The following PRKCH variants were observed in gnomAD, a reference collection of about 807,000 sequenced individuals.
PRKCH encodes the protein protein kinase C eta type.
Under a neutral mutation model 82.5 loss-of-function variants are expected in PRKCH, and 28 were observed. The observed-to-expected ratio is 0.34, with a 90% CI of 0.25 to 0.47. The LOEUF is 0.47. Ranked by LOEUF, PRKCH falls within the 20% of genes least tolerant of loss-of-function variation. PRKCH has a pLI of 1.00. For missense variants in PRKCH, 705 were observed against 881.8 expected (o/e 0.80, Z 2.54); for synonymous variants, 322 against 327.4 (o/e 0.98, Z 0.18).
rs546697498 is a variant in PRKCH at position 61,419,159 on chromosome 14, T to C, written c.428-23952T>C. On this transcript the variant is annotated intron_variant, in intron 2 of 13. Transcript: ENST00000332981. ...TAGTTGTTCTCCCAAAGACCTATTATAGGAATTTAAAAGCAAATGTCTGAT... is the reference window on the plus strand; with the variant it reads ...TAGTTGTTCTCCCAAAGACCTATTACAGGAATTTAAAAGCAAATGTCTGAT... Among the ~76,000 whole-genome samples, 7 of 152,332 alleles carry C rather than the reference T, an allele frequency of 4.6e-5. No individual in the cohort carries two copies. In the South Asian group the frequency reaches 1.4e-3, roughly 32 times the overall value.
Position 61,526,637 on chromosome 14 carries a change from A to G in PRKCH, c.1434-2438A>G, listed in dbSNP as rs140393207. ...CGTGATCCAGGCTGGACAGAGACCA[A>G]CCTTTTGCCTTGGGCCATGCAGGCC... On this transcript the variant is annotated intron_variant, in intron 10 of 13. Coordinates refer to ENST00000332981, the MANE Select transcript of PRKCH (RefSeq NM_006255.5). 1.8e-3 allele frequency among the ~76,000 whole-genome samples: 270 copies of G among 152,290 alleles called. 1 individual carries two copies. Among genetic ancestry groups the G allele is most frequent in the African/African-American group, 6.2e-3 (256 of 41,570 alleles).
intron 7 of PRKCH, among the ~76,000 whole-genome samples, chr14:61,456,117 A>G (rs1330916052): frequency 6.6e-6 from 1 of 152,236 alleles, no homozygotes; most frequent in East Asian, 1.9e-4. Flanking sequence ...CCAGGCACCA[A>G]TCTAAGTGCT....
At chr14:61,505,795 A>G (rs1182533093) in intron 10 of PRKCH, among the ~76,000 whole-genome samples, 1 of 152,052 alleles carries the variant, frequency 6.6e-6, no homozygotes, top group Non-Finnish European at 1.5e-5. Context: ...CAACATACCA[A>G]TTTTGGGGAT....
chr14:61,546,482 G>A (rs879693918), intron 12 of PRKCH, among the ~76,000 whole-genome samples: 30 of 152,164 alleles, frequency 2.0e-4, no homozygotes, highest in African/African-American at 3.1e-4. Context: ...GGTATATCCC[G>A]TCAGGTTGCT....
intron 2 of PRKCH, among the ~76,000 whole-genome samples, chr14:61,411,916 C>G (rs774829570): frequency 6.6e-6 from 1 of 152,210 alleles, no homozygotes; most frequent in African/African-American, 2.4e-5. Flanking sequence ...ACCAACCAGA[C>G]TGGAAAACTT....
chr14:61,386,462 A>G (rs1055611560), intron 1 of PRKCH, among the ~76,000 whole-genome samples: 1 of 152,180 alleles, frequency 6.6e-6, no homozygotes, highest in African/African-American at 2.4e-5. Context: ...GAGCAGGGGT[A>G]GATCCAGGAG....
At chr14:61,222,864 A>G (rs80312864) in intron 1 of PRKCH, among the ~76,000 whole-genome samples, 1,978 of 152,302 alleles carry the variant, frequency 0.013, 31 homozygotes, top group African/African-American at 0.045. Context: ...AGATTCGTCT[A>G]ATTGAGCTAT....
At chr14:61,373,468 C>A (rs549581188) in intron 1 of PRKCH, among the ~76,000 whole-genome samples, 21 of 152,106 alleles carry the variant, frequency 1.4e-4, no homozygotes, top group African/African-American at 4.6e-4. Context: ...AGCCCCTCCC[C>A]TGACAGGTGG....
At chr14:61,488,213 C>T (rs1448962484) in intron 10 of PRKCH, among the ~76,000 whole-genome samples, 2 of 151,670 alleles carry the variant, frequency 1.3e-5, no homozygotes, top group Non-Finnish European at 2.9e-5. Context: ...GTCCTAGCTA[C>T]TTGGGAGGCT....
intron 10 of PRKCH, among the ~76,000 whole-genome samples, chr14:61,502,928 TC>T (rs1886983025): frequency 6.6e-6 from 1 of 151,592 alleles, no homozygotes; most frequent in African/African-American, 2.4e-5. Context: ...TTCGAGCCCT[TC>T]CTGGGGGATG....
At chr14:61,268,614 G>A (rs562725824) in intron 1 of PRKCH, among the ~76,000 whole-genome samples, 8 of 152,148 alleles carry the variant, frequency 5.3e-5, no homozygotes, top group African/African-American at 1.9e-4. Flanking sequence ...GTTACAGAGA[G>A]CCGAGATCGT....
At chr14:61,517,251 C>T (rs1347607013) in intron 10 of PRKCH, among the ~76,000 whole-genome samples, 1 of 151,738 alleles carries the variant, frequency 6.6e-6, no homozygotes, top group Non-Finnish European at 1.5e-5. Context: ...TCCCTTTTCA[C>T]ACTTTATGCA....
chr14:61,538,990 G>A (rs766987955), intron 12 of PRKCH, among the ~76,000 whole-genome samples: 7 of 152,152 alleles, frequency 4.6e-5, no homozygotes, highest in Admixed American at 3.3e-4. Context: ...AAAGTAGTTC[G>A]TATAGCTTGG....
At chr14:61,507,065 A>T (rs774917985) in intron 10 of PRKCH, among the ~76,000 whole-genome samples, 15 of 152,214 alleles carry the variant, frequency 9.9e-5, no homozygotes, top group African/African-American at 3.4e-4. Flanking sequence ...TCCAAAGCAT[A>T]TAAGCAACTT....
At position 61,443,097 on chromosome 14, in the gene PRKCH, C is replaced by A; in HGVS notation, c.428-14C>A. The A allele has an allele frequency of 6.2e-7, 1 of 1,603,082 alleles. No homozygotes were observed. On this transcript the variant is annotated splice_polypyrimidine_tract_variant and intron_variant, in intron 2 of 13. Coordinates refer to ENST00000332981, the MANE Select transcript of PRKCH (RefSeq NM_006255.5). Reference sequence around the variant, plus strand: ...TTACATCTTATTCTTTTTTTCCTTCCTTTTAATATATAGCTACTCTCCAGA... The same window carrying A: ...TTACATCTTATTCTTTTTTTCCTTCATTTTAATATATAGCTACTCTCCAGA...
intron 1 of PRKCH, among the ~76,000 whole-genome samples, chr14:61,372,141 C>T (rs2046371041): frequency 6.6e-6 from 1 of 152,070 alleles, no homozygotes; most frequent in Admixed American, 6.5e-5. Context: ...ATGCCCCTGG[C>T]TCACTTTGTA....
chr14:61,205,601 GCTTCCCACCTCCT>G (rs1271487099), intron 1 of PRKCH, among the ~76,000 whole-genome samples: 1 of 152,170 alleles, frequency 6.6e-6, no homozygotes, highest in Non-Finnish European at 1.5e-5. Flanking sequence ...CGTGCTGACA[GCTTCCCACCTCCT>G]CTTCCCACCT....
chr14:61,240,550 A>G (rs2044828185), intron 1 of PRKCH, among the ~76,000 whole-genome samples: 1 of 152,062 alleles, frequency 6.6e-6, no homozygotes. Context: ...AGCCATCTGC[A>G]TTTGCATATC....
chr14:61,482,310 C>G (rs1406969125), intron 9 of PRKCH, among the ~76,000 whole-genome samples: 1 of 152,158 alleles, frequency 6.6e-6, no homozygotes, highest in Non-Finnish European at 1.5e-5. Flanking sequence ...ATCTTCTTTT[C>G]TAAACACTAG....
Sources: gnomAD v4.1 joint callset for allele counts (sites outside exome capture counted in the v4.1 genomes callset) on GRCh38, gnomAD v4.1.1 for gene constraint, MANE v1.5 for transcripts, NCBI Gene and HGNC (gene_info 2026-07-23, HGNC 2026-07-21) for gene names.